FBXL20: variants seen among roughly 807,000 people sequenced by gnomAD.
FBXL20 encodes F-box/LRR-repeat protein 20.
A neutral mutation model predicts 64.0 loss-of-function variants in FBXL20; 11 were observed. The ratio of observed to expected loss-of-function variants is 0.17; its 90% confidence interval spans 0.11 to 0.28. The LOEUF (loss-of-function observed/expected upper bound fraction) is 0.28. Ranked by LOEUF, FBXL20 falls within the 10% of genes least tolerant of loss-of-function variation. The pLI, the probability that FBXL20 is intolerant of heterozygous loss-of-function variation, is 1.00. For synonymous variants in FBXL20, 184 were observed against 189.0 expected (o/e 0.97, Z 0.22); for missense variants, 303 against 526.2 (o/e 0.58, Z 4.15).
intron 2 of FBXL20, among the ~76,000 whole-genome samples, chr17:39,327,108 ACTC>A (rs939482400): frequency 6.6e-6 from 1 of 151,516 alleles, no homozygotes; most frequent in African/African-American, 2.4e-5. Context: ...CTAGTCTTAA[ACTC>A]CTGACTTCAA....
chr17:39,401,378 T>A lies in FBXL20; in HGVS notation c.25A>T (p.Thr9Ser). The change falls in exon 1 of 15, where the codon ACC (threonine) becomes TCC (serine). Residue 9 changes from threonine (T) to serine (S), a missense_variant. Around this residue, in one of 3 missense-constraint regions of FBXL20, gnomAD observed 246 missense variants for 422.6 expected, o/e 0.58. Transcript: ENST00000264658. ...GCTCACACCTCAAACCTGCTCTTGG[T>A]CACTCCGTTCACGTCCCTCCTCATG... MRRDVNGV[T>S]KSRFEMFSNS... The A allele has an allele frequency of 6.2e-7, 1 of 1,612,190 alleles. No homozygotes were observed.
At chr17:39,281,541 C>G in intron 8 of FBXL20, 78 bp from the exon 9 acceptor site, 2 of 1,207,200 alleles carry the variant, frequency 1.7e-6, no homozygotes, top group Non-Finnish European at 2.4e-6. Flanking sequence ...TGTACACATT[C>G]ATTCATACAT....
intron 2 of FBXL20, among the ~76,000 whole-genome samples, chr17:39,337,989 G>A (rs2047545068): frequency 6.6e-6 from 1 of 152,044 alleles, no homozygotes; most frequent in Non-Finnish European, 1.5e-5. Flanking sequence ...CGCCCCTACT[G>A]GGAAGTGAGG....
intron 1 of FBXL20, among the ~76,000 whole-genome samples, chr17:39,351,918 T>C (rs1458913936): frequency 6.6e-6 from 1 of 152,238 alleles, no homozygotes; most frequent in African/African-American, 2.4e-5. Flanking sequence ...TGTTGGTTTG[T>C]ATAAAATTAT....
chr17:39,398,015 CCCAGCACTTTGGGAG>C (rs2048200747), intron 1 of FBXL20, among the ~76,000 whole-genome samples: 2 of 107,184 alleles, frequency 1.9e-5, no homozygotes, highest in Admixed American at 1.1e-4. Flanking sequence ...CGCCTGTAAT[CCCAGCACTTTGGGAG>C]GCCGGCGGGC....
Position 39,350,450 on chromosome 17 carries a change from T to C in FBXL20, c.43-7209A>G, listed in dbSNP as rs1469429076. Among the ~76,000 whole-genome samples the C allele has an allele frequency of 4.1e-5, 6 of 146,524 alleles. 1 individual carries two copies. The highest frequency in any genetic ancestry group is 8.9e-5 in the Non-Finnish European group (6 of 67,174). ...GTTGCAGTGAGCTGAGATTGTGCCA[T>C]GGCACTCCAGCCTGGGCAACAGAGC... is the stretch of plus-strand genomic sequence containing the variant. On this transcript the variant is annotated intron_variant, in intron 1 of 14. Transcript: ENST00000264658.
At chr17:39,348,961 C>T (rs981265220) in intron 1 of FBXL20, among the ~76,000 whole-genome samples, 2 of 152,028 alleles carry the variant, frequency 1.3e-5, no homozygotes, top group Admixed American at 1.3e-4. Flanking sequence ...TCTCAAATTG[C>T]TGGGATTAGG....
chr17:39,261,303 T>G lies in FBXL20; in HGVS notation c.*157A>C. 1.5e-6 allele frequency: 1 copy of G among 654,374 alleles called. No individual in the cohort carries two copies. Among genetic ancestry groups the G allele is most frequent in the Non-Finnish European group, 2.8e-6 (1 of 357,840 alleles). The allele number at this position is 654,374 out of a possible 1,614,324, so 40.5% of individuals were successfully genotyped here. A position where few individuals can be genotyped will look rare whatever the true frequency, so the allele number is the denominator to read the frequency against. On this transcript the variant is annotated 3_prime_UTR_variant, in exon 15 of 15. Transcript: ENST00000264658. ...GAGTGGATGGGGGTAAGGGTGTGTA[T>G]GTGTATGTATGTGTGGCTCTGGGGA...
chr17:39,350,506 C>CA (rs1309453445), intron 1 of FBXL20, among the ~76,000 whole-genome samples: 2 of 93,962 alleles, frequency 2.1e-5, no homozygotes, highest in East Asian at 6.5e-4. Flanking sequence ...AAAACAAAAA[C>CA]AAAAAAAGAA....
chr17:39,311,776 A>G (rs2047237280), intron 2 of FBXL20, among the ~76,000 whole-genome samples: 1 of 152,214 alleles, frequency 6.6e-6, no homozygotes, highest in East Asian at 1.9e-4. Flanking sequence ...CTAACTCCTG[A>G]GCAATTTTTA....
chr17:39,327,031 C>T (rs1482552191), intron 2 of FBXL20, among the ~76,000 whole-genome samples: 2 of 152,092 alleles, frequency 1.3e-5, no homozygotes, highest in Non-Finnish European at 2.9e-5. Context: ...CAGGCATGTG[C>T]CACCACACTC....
chr17:39,264,031 A>T, intron 14 of FBXL20, 144 bp downstream of exon 14: 1 of 869,254 alleles, frequency 1.2e-6, no homozygotes, highest in Non-Finnish European at 1.7e-6. Context: ...ATCTGTCCTT[A>T]GGTTTGCACT....
At chr17:39,264,770 T>G (rs2046777349) in intron 13 of FBXL20, among the ~76,000 whole-genome samples, 1 of 152,200 alleles carries the variant, frequency 6.6e-6, no homozygotes, top group Non-Finnish European at 1.5e-5. Context: ...AATATCTGGT[T>G]CAGAGACATG....
At chr17:39,363,819 A>C (rs1444934570) in intron 1 of FBXL20, among the ~76,000 whole-genome samples, 5 of 133,800 alleles carry the variant, frequency 3.7e-5, no homozygotes, top group Non-Finnish European at 7.8e-5. Flanking sequence ...TCAAAAAAAA[A>C]AAAAAAACAA....
intron 1 of FBXL20, among the ~76,000 whole-genome samples, chr17:39,396,446 A>C (rs1385019909): frequency 6.6e-6 from 1 of 151,938 alleles, no homozygotes; most frequent in Non-Finnish European, 1.5e-5. Context: ...AAATACAAAA[A>C]TTAGTTGTGC....
chr17:39,276,235 A>AG (rs2046891532), intron 9 of FBXL20, among the ~76,000 whole-genome samples: 1 of 150,204 alleles, frequency 6.7e-6, no homozygotes, highest in African/African-American at 2.4e-5. Flanking sequence ...AAAAAAAAAA[A>AG]AAAAAAAAGG....
At chr17:39,314,613 G>A (rs1432449684) in intron 2 of FBXL20, among the ~76,000 whole-genome samples, 12 of 151,332 alleles carry the variant, frequency 7.9e-5, no homozygotes, top group East Asian at 1.9e-4. Flanking sequence ...CACCTGCCTC[G>A]GCCTCCCAAA....
intron 1 of FBXL20, among the ~76,000 whole-genome samples, chr17:39,388,021 G>A (rs574023553): frequency 2.4e-4 from 37 of 152,206 alleles, no homozygotes; most frequent in African/African-American, 8.9e-4. Context: ...AGTGGTTAGA[G>A]GATCAGCTAG....
chr17:39,267,354 A>T (rs917272930), intron 12 of FBXL20, among the ~76,000 whole-genome samples: 3 of 152,138 alleles, frequency 2.0e-5, no homozygotes, highest in African/African-American at 4.8e-5. Context: ...TCTCTAAAAA[A>T]ATCTGTCCCC....
Sources: gnomAD v4.1 joint callset for allele counts (sites outside exome capture counted in the v4.1 genomes callset) on GRCh38, gnomAD v4.1.1 for gene constraint, gnomAD v4.1.1 regional missense constraint, MANE v1.5 for transcripts, NCBI Gene and HGNC (gene_info 2026-07-23, HGNC 2026-07-21) for gene names.